The following FHOD3 variants were observed in gnomAD, a reference collection of about 807,000 sequenced individuals.
FHOD3 encodes formin homology 2 domain containing 3.
A neutral mutation model predicts 173.0 loss-of-function variants in FHOD3; 90 were observed. The observed-to-expected ratio is 0.52, with a 90% CI of 0.44 to 0.62. The LOEUF (loss-of-function observed/expected upper bound fraction) is 0.62, where lower values mean the gene tolerates loss of function less well. FHOD3 is among the 20% of genes least tolerant of loss of function. The probability of loss-of-function intolerance (pLI) is 0.00; values close to 1 mark genes in which losing one functional copy is unlikely to be tolerated. For missense variants in FHOD3, 1,945 were observed against 2,034.7 expected (o/e 0.96, Z 0.85); for synonymous variants, 828 against 823.0 (o/e 1.01, Z -0.10).
intron 18 of FHOD3, among the ~76,000 whole-genome samples, chr18:36,713,729 A>G (rs1476343293): frequency 6.6e-6 from 1 of 152,234 alleles, no homozygotes; most frequent in African/African-American, 2.4e-5. Context: ...TACAAATTAT[A>G]TGAATGTATT....
rs189738538 is a variant in FHOD3, at chr18:36,779,970, T to C, written c.*440T>C. 2.2e-6 allele frequency: 1 copy of C among 463,602 alleles called. No homozygotes were observed. The highest frequency in any genetic ancestry group is 4.1e-5 in the Admixed American group (1 of 24,152). 28.7% of individuals were successfully genotyped at this position (463,602 alleles called of 1,614,324 possible). ...AAAGAAAGCACAGATTGTTTACCTG[T>C]TGTGGATTTTAGATGTAACAAATGT... is the stretch of plus-strand genomic sequence containing the variant. On this transcript the variant is annotated 3_prime_UTR_variant, in exon 29 of 29. Transcript: ENST00000590592.
chr18:36,367,303 A>AGCCTTG (rs541550009), intron 2 of FHOD3, among the ~76,000 whole-genome samples: 1 of 152,248 alleles, frequency 6.6e-6, no homozygotes, highest in Non-Finnish European at 1.5e-5. Context: ...GCACTTGGGT[A>AGCCTTG]GCCTTGGCCT....
In FHOD3 at chr18:36,653,365, G is replaced by A. The variant is rs2036196158; in HGVS notation, c.1670G>A (p.Ser557Asn). 4.6e-6 allele frequency: 7 copies of A among 1,534,952 alleles called. No individual in the cohort carries two copies. The highest frequency in any genetic ancestry group is 3.6e-5 in the South Asian group (3 of 83,996). ...AGTTCCTCTGATTCTTTCTCTTTGAGCACATATTCTGCCTCTGAGCCTTAC... is the reference window on the plus strand; with the variant it reads ...AGTTCCTCTGATTCTTTCTCTTTGAACACATATTCTGCCTCTGAGCCTTAC... Reference protein sequence around the residue: ...ENSSSDSFSLSTYSASEPYHF... With the variant: ...ENSSSDSFSLNTYSASEPYHF... Residue 557 changes from serine (S) to asparagine (N), a missense_variant, in exon 13 of 29, where the codon AGC becomes AAC. Around this residue, in one of 5 missense-constraint regions of FHOD3, gnomAD observed 1,099 missense variants for 1,051.2 expected, o/e 1.05. Transcript: ENST00000590592.
chr18:36,421,329 A>G (rs1454991197), intron 3 of FHOD3, among the ~76,000 whole-genome samples: 3 of 152,220 alleles, frequency 2.0e-5, no homozygotes, highest in African/African-American at 7.2e-5. Flanking sequence ...CCAAATATTC[A>G]TTCAAGCAGT....
chr18:36,660,618 A>G (rs562708128), intron 14 of FHOD3, among the ~76,000 whole-genome samples: 15 of 152,306 alleles, frequency 9.8e-5, no homozygotes. Context: ...GCACGAGTGT[A>G]TGGATGTTAG....
At chr18:36,689,627 C>T in intron 16 of FHOD3, among the ~76,000 whole-genome samples, 1 of 151,972 alleles carries the variant, frequency 6.6e-6, no homozygotes, top group Non-Finnish European at 1.5e-5. Flanking sequence ...ATGACATTCA[C>T]AAATAATTTA....
chr18:36,437,601 C>CT (rs2050877170), intron 3 of FHOD3, among the ~76,000 whole-genome samples: 2 of 150,552 alleles, frequency 1.3e-5, no homozygotes, highest in Non-Finnish European at 3.0e-5. Context: ...CAGCAATGGA[C>CT]TTGAAATGTC....
In FHOD3 at chr18:36,775,577, T is replaced by C. The variant is rs556821874; in HGVS notation, c.4787-3871T>C. On this transcript the variant is annotated intron_variant, in intron 28 of 28. Coordinates refer to ENST00000590592, the MANE Select transcript of FHOD3 (RefSeq NM_001281740.3). Reference sequence around the variant, plus strand: ...CATAAAGATTAAGTGAAACAACCCATGTAAACACTCAGTAAATGGTGGCTG... The same window carrying C: ...CATAAAGATTAAGTGAAACAACCCACGTAAACACTCAGTAAATGGTGGCTG... Among the ~76,000 whole-genome samples the C allele has an allele frequency of 4.6e-5, 7 of 152,294 alleles. 1 individual carries two copies. In the East Asian group the frequency reaches 7.7e-4, roughly 17 times the overall value.
chr18:36,585,084 AC>A (rs1366215609), intron 6 of FHOD3, among the ~76,000 whole-genome samples: 2 of 152,258 alleles, frequency 1.3e-5, no homozygotes, highest in East Asian at 3.8e-4. Flanking sequence ...TACATAATAT[AC>A]AGTCATATGA....
intron 20 of FHOD3, among the ~76,000 whole-genome samples, chr18:36,740,120 A>G (rs2041832995): frequency 6.6e-6 from 1 of 152,218 alleles, no homozygotes; most frequent in Non-Finnish European, 1.5e-5. Flanking sequence ...CCAGAAACAA[A>G]TAGAAGTAAA....
chr18:36,723,190 G>T (rs2040877544), intron 19 of FHOD3, among the ~76,000 whole-genome samples: 1 of 152,178 alleles, frequency 6.6e-6, no homozygotes, highest in African/African-American at 2.4e-5. Flanking sequence ...ATTCATGCAG[G>T]AAGTCTGTTT....
At position 36,649,409 on chromosome 18, in the gene FHOD3, C is replaced by G. The variant is rs997278842; in HGVS notation, c.1286+4C>G. On this transcript the variant is annotated splice_donor_region_variant and intron_variant, in intron 11 of 28. Transcript: ENST00000590592. ...CTTCCTGTCAGGGCAAGGACAGGTA[C>G]CTAGGACTGGAGCCTCCCAAGCTCA... 3.3e-6 allele frequency: 5 copies of G among 1,533,814 alleles called. No homozygotes were observed. The highest frequency in any genetic ancestry group is 4.4e-6 in the Non-Finnish European group (5 of 1,145,228).
At chr18:36,476,164 A>G (rs2053565089) in intron 3 of FHOD3, among the ~76,000 whole-genome samples, 1 of 152,126 alleles carries the variant, frequency 6.6e-6, no homozygotes, top group South Asian at 2.1e-4. Flanking sequence ...CGTCCCAAGG[A>G]TGCTGAAGTG....
Position 36,717,836 on chromosome 18 carries a change from G to A in FHOD3, c.2538G>A (p.Leu846=), listed in dbSNP as rs775900528. The A allele has an allele frequency of 1.3e-6, 2 of 1,564,054 alleles. No homozygotes were observed. The highest frequency in any genetic ancestry group is 1.4e-5 in the African/African-American group (1 of 73,538). Residue 846 remains leucine, a synonymous_variant, in exon 19 of 29, where the codon TTG becomes TTA. Coordinates refer to ENST00000590592, the MANE Select transcript of FHOD3 (RefSeq NM_001281740.3). ...TTCTCTCCCATGTACTTTCAGGTTT[G>A]TGGCCCGCAGGTGTCCAGGATGCAG... ...DKLSRDRTTG[L]WPAGVQDAGV... is the part of the protein sequence containing the mutation.
intron 5 of FHOD3, among the ~76,000 whole-genome samples, chr18:36,530,366 C>G (rs1225178128): frequency 6.6e-6 from 1 of 152,118 alleles, no homozygotes; most frequent in Non-Finnish European, 1.5e-5. Context: ...ATGTGTGTTA[C>G]TTAATGGTGG....
chr18:36,446,447 G>A (rs542650153), intron 3 of FHOD3, among the ~76,000 whole-genome samples: 5 of 149,284 alleles, frequency 3.3e-5, no homozygotes, highest in African/African-American at 7.4e-5. Flanking sequence ...GCGCTGTCTC[G>A]TCAGCATTGG....
chr18:36,643,495 T>C (rs1257316161), intron 10 of FHOD3, among the ~76,000 whole-genome samples: 3 of 152,192 alleles, frequency 2.0e-5, no homozygotes. Flanking sequence ...AATACAACTT[T>C]TAGGTCATGA....
chr18:36,717,881 C>A lies in FHOD3; in HGVS notation c.2583C>A (p.Gly861=). The change falls in exon 19 of 29, where the codon GGC becomes GGA. Residue 861 remains glycine (G), a synonymous_variant. Transcript: ENST00000590592. ...ATGCAGGTGTAAATGGACAGTGTGGCGACATCCTCACCAACAAACGGTTCA... is the reference window on the plus strand; with the variant it reads ...ATGCAGGTGTAAATGGACAGTGTGGAGACATCCTCACCAACAAACGGTTCA... ...VQDAGVNGQC[G]DILTNKRFML... 6.2e-7 allele frequency: 1 copy of A among 1,609,798 alleles called. No homozygotes were observed. Among genetic ancestry groups the A allele is most frequent in the South Asian group, 1.1e-5 (1 of 90,140 alleles).
chr18:36,401,619 C>A (rs1376291528), intron 3 of FHOD3, among the ~76,000 whole-genome samples: 1 of 152,190 alleles, frequency 6.6e-6, no homozygotes, highest in East Asian at 1.9e-4. Context: ...GGTTACTGCA[C>A]CTCTCTGAGC....
Sources: gnomAD v4.1 joint callset for allele counts (sites outside exome capture counted in the v4.1 genomes callset) on GRCh38, gnomAD v4.1.1 for gene constraint, gnomAD v4.1.1 regional missense constraint, MANE v1.5 for transcripts, NCBI Gene and HGNC (gene_info 2026-07-23, HGNC 2026-07-21) for gene names.